The following GUCY1A2 variants were observed in gnomAD, a reference collection of about 807,000 sequenced individuals.
GUCY1A2 encodes the protein guanylate cyclase 1 soluble subunit alpha 2.
A neutral mutation model predicts 63.5 loss-of-function variants in GUCY1A2; 27 were observed. The observed-to-expected ratio is 0.43, with a 90% CI of 0.31 to 0.59. GUCY1A2 has a LOEUF of 0.59. Among genes scored for constraint, GUCY1A2 ranks in the 20% least tolerant of loss-of-function variants. The pLI, the probability that GUCY1A2 is intolerant of heterozygous loss-of-function variation, is 0.11. For synonymous variants in GUCY1A2, 364 were observed against 343.5 expected (o/e 1.06, Z -0.66); for missense variants, 768 against 913.3 (o/e 0.84, Z 2.05).
At position 106,676,623 on chromosome 11, in the gene GUCY1A2, A is replaced by G. The variant is rs950640490; in HGVS notation, c.*10926T>C. On this transcript the variant is annotated 3_prime_UTR_variant, in exon 8 of 8. Transcript: ENST00000526355. ...ATGCCAAGCTGAATTACAGAAGGGT[A>G]TCTAAGAAAGAAGACAGTGCATCAG... is the stretch of plus-strand genomic sequence containing the variant. The G allele has an allele frequency of 1.2e-4, 22 of 189,874 alleles. No individual in the cohort carries two copies. Among genetic ancestry groups the G allele is most frequent in the African/African-American group, 5.1e-4 (22 of 42,932 alleles). 11.8% of individuals were successfully genotyped at this position (189,874 alleles called of 1,614,324 possible).
At chr11:106,866,121 A>C (rs966792534) in intron 4 of GUCY1A2, among the ~76,000 whole-genome samples, 1 of 152,022 alleles carries the variant, frequency 6.6e-6, no homozygotes. Flanking sequence ...TGCAAAAAGA[A>C]CTAGATCAGG....
At chr11:106,982,815 T>C (rs1452392931) in intron 2 of GUCY1A2, among the ~76,000 whole-genome samples, 2 of 152,104 alleles carry the variant, frequency 1.3e-5, no homozygotes, top group Non-Finnish European at 2.9e-5. Context: ...TGGAAAGGGA[T>C]GAAATTACAG....
rs561723590 is a variant in GUCY1A2 at position 106,674,384 on chromosome 11, G to A, written c.*13165C>T. Reference sequence around the variant, plus strand: ...TCTTATATGAGTTATACTTTTACATGTATTATTCTTAAAATTCTAGTGAAA... The same window carrying A: ...TCTTATATGAGTTATACTTTTACATATATTATTCTTAAAATTCTAGTGAAA... On this transcript the variant is annotated 3_prime_UTR_variant, in exon 8 of 8. Coordinates refer to ENST00000526355, the MANE Select transcript of GUCY1A2 (RefSeq NM_000855.3). The A allele has an allele frequency of 1.7e-5, 3 of 177,202 alleles. No homozygotes were observed. The highest frequency in any genetic ancestry group is 3.6e-5 in the Non-Finnish European group (3 of 82,362). 11.0% of individuals were successfully genotyped at this position (177,202 alleles called of 1,614,324 possible).
At chr11:106,728,165 A>C (rs2135369211) in intron 6 of GUCY1A2, among the ~76,000 whole-genome samples, 1 of 152,258 alleles carries the variant, frequency 6.6e-6, no homozygotes, top group Admixed American at 6.5e-5. Context: ...GGGATTTTAT[A>C]CATGCTATTT....
intron 6 of GUCY1A2, among the ~76,000 whole-genome samples, chr11:106,734,223 A>C (rs1863551782): frequency 6.6e-6 from 1 of 152,152 alleles, no homozygotes; most frequent in African/African-American, 2.4e-5. Context: ...AGCAAGAACT[A>C]AACTGCACTC....
intron 4 of GUCY1A2, among the ~76,000 whole-genome samples, chr11:106,910,565 C>G (rs1179507384): frequency 6.6e-6 from 1 of 151,992 alleles, no homozygotes; most frequent in East Asian, 1.9e-4. Flanking sequence ...GAATTCATTC[C>G]CCGCTTCTTT....
intron 5 of GUCY1A2, among the ~76,000 whole-genome samples, chr11:106,801,078 G>C (rs1364711130): frequency 1.3e-5 from 2 of 152,016 alleles, no homozygotes; most frequent in Non-Finnish European, 2.9e-5. Context: ...TTTGTACAAA[G>C]ATCCTCTTTA....
chr11:106,741,773 C>G (rs999504521), intron 6 of GUCY1A2, among the ~76,000 whole-genome samples: 1 of 152,096 alleles, frequency 6.6e-6, no homozygotes, highest in Non-Finnish European at 1.5e-5. Context: ...GTAACCTTTC[C>G]TCATTTTGCA....
intron 4 of GUCY1A2, among the ~76,000 whole-genome samples, chr11:106,839,456 C>A (rs1157129838): frequency 6.6e-6 from 1 of 151,998 alleles, no homozygotes; most frequent in South Asian, 2.1e-4. Context: ...TGTGGCAATT[C>A]CTCCGGGATC....
At chr11:106,908,507 GA>G (rs944490744) in intron 4 of GUCY1A2, among the ~76,000 whole-genome samples, 29 of 151,834 alleles carry the variant, frequency 1.9e-4, no homozygotes, top group African/African-American at 6.8e-4. Context: ...GGGAGTATTG[GA>G]GTGAGAGCCG....
intron 6 of GUCY1A2, among the ~76,000 whole-genome samples, chr11:106,738,609 T>C (rs1244995202): frequency 1.3e-5 from 2 of 152,336 alleles, no homozygotes; most frequent in Admixed American, 6.5e-5. Flanking sequence ...TTTTTGCATA[T>C]GGCTAGCCAG....
chr11:106,942,932 GT>G (rs1417470546), intron 3 of GUCY1A2, among the ~76,000 whole-genome samples: 1 of 151,910 alleles, frequency 6.6e-6, no homozygotes, highest in Admixed American at 6.6e-5. Context: ...TAAAGTGACG[GT>G]TGTATTACTA....
chr11:106,990,983 A>G (rs1384011873), intron 1 of GUCY1A2, among the ~76,000 whole-genome samples: 1 of 152,092 alleles, frequency 6.6e-6, no homozygotes, highest in Admixed American at 6.6e-5. Flanking sequence ...AACATCCATA[A>G]AGAGCCATAT....
chr11:106,738,661 T>C (rs1282915540), intron 6 of GUCY1A2, among the ~76,000 whole-genome samples: 2 of 152,206 alleles, frequency 1.3e-5, no homozygotes, highest in African/African-American at 4.8e-5. Flanking sequence ...CCTTTCCCCA[T>C]TTCTTGTTTT....
intron 6 of GUCY1A2, among the ~76,000 whole-genome samples, chr11:106,738,675 C>A (rs181637029): frequency 6.6e-6 from 1 of 152,206 alleles, no homozygotes; most frequent in Admixed American, 6.5e-5. Flanking sequence ...TTGTTTTTGT[C>A]AGGTTTGTCA....
At chr11:106,870,065 TG>T (rs1360928153) in intron 4 of GUCY1A2, among the ~76,000 whole-genome samples, 13 of 122,362 alleles carry the variant, frequency 1.1e-4, no homozygotes, top group African/African-American at 4.1e-4. Context: ...TGAGAACTCT[TG>T]GACACAGGAA....
chr11:106,732,044 A>T (rs1011976158), intron 6 of GUCY1A2, among the ~76,000 whole-genome samples: 3 of 152,180 alleles, frequency 2.0e-5, no homozygotes, highest in African/African-American at 4.8e-5. Flanking sequence ...ATTACAAAAA[A>T]CTATTTTAAA....
chr11:106,836,256 C>T (rs1859115849), intron 4 of GUCY1A2, among the ~76,000 whole-genome samples: 2 of 151,762 alleles, frequency 1.3e-5, no homozygotes, highest in Non-Finnish European at 2.9e-5. Context: ...AGAAGCTGTA[C>T]CAATATCATA....
intron 4 of GUCY1A2, among the ~76,000 whole-genome samples, chr11:106,918,189 G>T (rs1349211925): frequency 6.9e-6 from 1 of 144,122 alleles, no homozygotes; most frequent in East Asian, 2.1e-4. Context: ...GCACTGTAAG[G>T]ACTATCTGTT....
Sources: allele counts gnomAD v4.1 joint callset (sites outside exome capture counted in the v4.1 genomes callset), GRCh38; gene constraint gnomAD v4.1.1; transcripts MANE v1.5; gene names NCBI Gene and HGNC (gene_info 2026-07-23, HGNC 2026-07-21).